Variants in POLR1C observed in about 807,000 individuals in gnomAD.
POLR1C encodes the protein RNA polymerase I and III subunit C, also known as DNA-directed RNA polymerases I and III subunit RPAC1.
In POLR1C, 42 loss-of-function variants were observed where a neutral mutation model predicts 38.3. The observed-to-expected ratio is 1.10, with a 90% confidence interval of 0.86 to 1.42. POLR1C has a LOEUF of 1.42. Ranked by LOEUF, POLR1C falls within the 40% of genes most tolerant of loss-of-function variation. The pLI, the probability that POLR1C is intolerant of heterozygous loss-of-function variation, is 0.00. For synonymous variants in POLR1C, 163 were observed against 163.9 expected (o/e 0.99, Z 0.04); for missense variants, 507 against 450.5 (o/e 1.13, Z -1.14).
chr6:43,529,120 C>A, intron 8 of POLR1C: 1 of 1,158,806 alleles, frequency 8.6e-7, no homozygotes, highest in Non-Finnish European at 1.2e-6. Context: ...TTCCATTATA[C>A]TCTTAGTTTA....
rs774805301 is a variant in POLR1C, at chr6:43,521,201, G to C, written c.942G>C (p.Gly314=). The change falls in exon 9 of 9, where the codon GGG becomes GGC. Residue 314 remains glycine, a synonymous_variant. Coordinates refer to ENST00000642195, the MANE Select transcript of POLR1C (RefSeq NM_203290.4). ...CCCCAGTCTCTGTTGAGTCAACGGG[G>C]GTGTTGCCACCAGATGTGCTGGTGA... The part of the protein sequence containing the change: ...DHYIFSVEST[G]VLPPDVLVSE... The C allele has an allele frequency of 8.7e-6, 14 of 1,613,980 alleles. No homozygotes were observed. The highest frequency in any genetic ancestry group is 1.0e-5 in the Non-Finnish European group (12 of 1,180,028).
downstream of POLR1C, chr6:43,522,659 C>T: frequency 2.1e-6 from 1 of 465,514 alleles, no homozygotes; most frequent in Non-Finnish European, 4.6e-6. Flanking sequence ...CTGCCTGTGG[C>T]CCGCACCAGC....
chr6:43,555,800 A>T (rs370301235), intron 10 of POLR1C: 69 of 1,612,942 alleles, frequency 4.3e-5, no homozygotes, highest in South Asian at 1.1e-4. Flanking sequence ...TACTGTCCTA[A>T]CATTTCACTA....
rs1196722311 is a variant in POLR1C, at chr6:43,555,771, T to C, written c.*48+4760T>C. The C allele has an allele frequency of 7.5e-6, 12 of 1,595,408 alleles. No individual in the cohort carries two copies. The East Asian group carries it at 2.5e-4, about 33-fold the overall frequency. ...TGATGTGTGTATAGCTCAGGCTCATTTCCTATATATAGTTTTGATACTGTC... is the reference window on the plus strand; with the variant it reads ...TGATGTGTGTATAGCTCAGGCTCATCTCCTATATATAGTTTTGATACTGTC... On this transcript the variant is annotated intron_variant, in intron 10 of 10. Coordinates refer to the POLR1C transcript ENST00000607635.
At chr6:43,528,266 C>T (rs1793724185) in intron 8 of POLR1C, 1 of 1,507,852 alleles carries the variant, frequency 6.6e-7, no homozygotes, top group Non-Finnish European at 9.0e-7. Context: ...CACATAATAT[C>T]TAAAGTCAAG....
chr6:43,536,858 T>G (rs1794364853), intron 9 of POLR1C, among the ~76,000 whole-genome samples: 1 of 149,068 alleles, frequency 6.7e-6, no homozygotes, highest in East Asian at 2.0e-4. Flanking sequence ...GGTAGGAATC[T>G]AATTGTTTTT....
intron 2 of POLR1C, 135 bp from the exon 3 acceptor site, chr6:43,519,198 T>G (rs1793008286): frequency 1.4e-6 from 1 of 705,254 alleles, no homozygotes; most frequent in African/African-American, 1.8e-5. Flanking sequence ...ATAGAATATT[T>G]AATAAGAGAC....
At chr6:43,541,388 G>C (rs866523381) in intron 9 of POLR1C, among the ~76,000 whole-genome samples, 3 of 152,294 alleles carry the variant, frequency 2.0e-5, no homozygotes, top group Non-Finnish European at 4.4e-5. Flanking sequence ...ATAAATATAT[G>C]TATGTACTGT....
At chr6:43,539,054 G>A in intron 9 of POLR1C, 1 of 1,525,396 alleles carries the variant, frequency 6.6e-7, no homozygotes, top group Non-Finnish European at 9.0e-7. Context: ...ATCGATACCA[G>A]CCATCATGAG....
exon 11 of POLR1C, chr6:43,562,274 C>G: frequency 3.1e-6 from 5 of 1,608,262 alleles, no homozygotes; most frequent in Non-Finnish European, 4.2e-6. Context: ...GATTGCCCAG[C>G]GCACACAACA....
In POLR1C at chr6:43,549,361, G is replaced by C. The variant is rs79734655; in HGVS notation, c.*5-1607G>C. 2,863 of 909,728 alleles carry C rather than the reference G, an allele frequency of 3.1e-3. 51 individuals carry two copies. In the African/African-American group the frequency reaches 0.041, roughly 13 times the overall value. The allele number at this position is 909,728 out of a possible 1,614,324, so 56.4% of individuals were successfully genotyped here. A position where few individuals can be genotyped will look rare whatever the true frequency, so the allele number is the denominator to read the frequency against. ...TTACAGGTGTGAGCCACCATGCCCG[G>C]CCAAGGATGCTTATATGATGCAAAG... On this transcript the variant is annotated intron_variant, in intron 9 of 10. Transcript: ENST00000607635.
chr6:43,534,610 C>T (rs907801415), intron 9 of POLR1C, among the ~76,000 whole-genome samples: 6 of 152,226 alleles, frequency 3.9e-5, no homozygotes, highest in Admixed American at 1.3e-4. Flanking sequence ...AATGACCCCA[C>T]TGAACAAACT....
intron 9 of POLR1C, among the ~76,000 whole-genome samples, chr6:43,540,587 A>G (rs1224426255): frequency 1.3e-5 from 2 of 152,204 alleles, no homozygotes; most frequent in East Asian, 3.8e-4. Flanking sequence ...TGGGAGGTAG[A>G]GGTTGAAGTG....
intron 9 of POLR1C, among the ~76,000 whole-genome samples, chr6:43,541,311 C>T (rs1023218602): frequency 7.9e-5 from 12 of 152,054 alleles, no homozygotes; most frequent in African/African-American, 2.4e-4. Context: ...GGGATGGATA[C>T]CCCATTTTAA....
chr6:43,544,998 G>T (rs966127010), intron 9 of POLR1C, among the ~76,000 whole-genome samples: 12 of 151,980 alleles, frequency 7.9e-5, no homozygotes, highest in African/African-American at 2.7e-4. Context: ...TCAGCCTCTC[G>T]AGTAGCTGGG....
chr6:43,519,814 C>T lies in POLR1C; in HGVS notation c.358C>T (p.Arg120Cys), dbSNP rs146332364. The T allele has an allele frequency of 4.1e-5, 66 of 1,614,004 alleles. No individual in the cohort carries two copies. Among genetic ancestry groups the T allele is most frequent in the Admixed American group, 2.3e-4 (14 of 60,000 alleles). ...GCTCATTCCCATTCATGCTGATCCCCGTCTTTTTGAGTATCGGAACCAAGG... is the reference window on the plus strand; with the variant it reads ...GCTCATTCCCATTCATGCTGATCCCTGTCTTTTTGAGTATCGGAACCAAGG... ...LGLIPIHADP[R>C]LFEYRNQGDE... The change falls in exon 4 of 9, where the codon CGT becomes TGT. Residue 120 changes from arginine (R) to cysteine (C), a missense_variant. Arg to Cys is a radical substitution (Grantham distance 180, BLOSUM62 -3). Transcript: ENST00000642195.
intron 9 of POLR1C, chr6:43,547,556 C>T (rs1582221669): frequency 6.5e-7 from 1 of 1,549,966 alleles, no homozygotes; most frequent in Non-Finnish European, 8.9e-7. Context: ...AAAGACAACA[C>T]CCTACTCCTA....
intron 10 of POLR1C, among the ~76,000 whole-genome samples, chr6:43,554,420 TTC>T (rs1240132075): frequency 6.7e-6 from 1 of 148,300 alleles, no homozygotes; most frequent in African/African-American, 2.5e-5. Flanking sequence ...CGCTTTTCTT[TTC>T]TTTTTTTTTT....
chr6:43,552,696 T>A (rs886539038), intron 10 of POLR1C, among the ~76,000 whole-genome samples: 2 of 152,186 alleles, frequency 1.3e-5, no homozygotes, highest in South Asian at 2.1e-4. Context: ...TTGGATTATA[T>A]CTTTTGTCTA....
Sources: gnomAD v4.1 joint callset for allele counts (sites outside exome capture counted in the v4.1 genomes callset) on GRCh38, gnomAD v4.1.1 for gene constraint, MANE v1.5 for transcripts, NCBI Gene and HGNC (gene_info 2026-07-23, HGNC 2026-07-21) for gene names.